Variants in SLC35D4 observed in about 807,000 individuals in gnomAD.
SLC35D4 encodes UDP-N-acetylglucosamine transporter SLC35D4.
At chr18:23,398,512 T>C in the SLC35D4 span, among the ~76,000 whole-genome samples, 2 of 152,182 alleles carry the variant, frequency 1.3e-5, no homozygotes, top group Non-Finnish European at 2.9e-5. Context: ...GCAAGCCTCG[T>C]GGTCTGAGCT....
At chr18:23,306,049 G>A in the SLC35D4 span, among the ~76,000 whole-genome samples, 4 of 151,996 alleles carry the variant, frequency 2.6e-5, no homozygotes, top group Admixed American at 2.6e-4. Context: ...ATCTCCTACC[G>A]ATGTTCAAAA....
chr18:23,436,033 CTTT>C, the SLC35D4 span, among the ~76,000 whole-genome samples: 11 of 96,222 alleles, frequency 1.1e-4, no homozygotes, highest in Non-Finnish European at 1.2e-4. Context: ...AACACTTTCT[CTTT>C]TTTTTTTTTT....
chr18:23,363,461 G>A, the SLC35D4 span, among the ~76,000 whole-genome samples: 5 of 123,810 alleles, frequency 4.0e-5, no homozygotes, highest in Non-Finnish European at 6.4e-5. Flanking sequence ...TGCAAGCTCC[G>A]CCTCCCGGGT....
At chr18:23,303,587 G>C in the SLC35D4 span, among the ~76,000 whole-genome samples, 1 of 152,240 alleles carries the variant, frequency 6.6e-6, no homozygotes, top group African/African-American at 2.4e-5. Context: ...AGGCTTACTT[G>C]TAAGAGAGAA....
chr18:23,256,638 G>A, the SLC35D4 span, among the ~76,000 whole-genome samples: 14 of 151,826 alleles, frequency 9.2e-5, no homozygotes, highest in South Asian at 8.3e-4. Context: ...CCACCGCCAC[G>A]CCCGGCTCAT....
chr18:23,262,330 A>G, the SLC35D4 span, among the ~76,000 whole-genome samples: 1 of 152,316 alleles, frequency 6.6e-6, no homozygotes, highest in Non-Finnish European at 1.5e-5. Flanking sequence ...GGTTAAGGAC[A>G]TTGCTCAGAT....
chr18:23,260,540 C>T, the SLC35D4 span: 1 of 152,698 alleles, frequency 6.5e-6, no homozygotes, highest in African/African-American at 2.4e-5. Context: ...CCTTGCCCTC[C>T]CCAGCCCTGG....
At chr18:23,292,695 CTGGG>C in the SLC35D4 span, among the ~76,000 whole-genome samples, 1 of 152,178 alleles carries the variant, frequency 6.6e-6, no homozygotes, top group Non-Finnish European at 1.5e-5. Flanking sequence ...CGAGTCCCAG[CTGGG>C]TGGGCCTGGA....
chr18:23,383,774 T>C, the SLC35D4 span, among the ~76,000 whole-genome samples: 3 of 151,900 alleles, frequency 2.0e-5, no homozygotes, highest in Non-Finnish European at 2.9e-5. Flanking sequence ...CTTGGTGCAA[T>C]GACAACACCA....
chr18:23,270,259 T>A, the SLC35D4 span, among the ~76,000 whole-genome samples: 1 of 152,310 alleles, frequency 6.6e-6, no homozygotes, highest in South Asian at 2.1e-4. Context: ...GCCCCAAGCC[T>A]TGGTAGCTTA....
the SLC35D4 span, among the ~76,000 whole-genome samples, chr18:23,377,437 G>A: frequency 6.6e-6 from 1 of 152,024 alleles, no homozygotes; most frequent in Admixed American, 6.6e-5. Flanking sequence ...GGTTGGTTCT[G>A]GTGTTTTCTC....
the SLC35D4 span, among the ~76,000 whole-genome samples, chr18:23,415,808 C>T: frequency 1.3e-5 from 2 of 152,196 alleles, no homozygotes; most frequent in Admixed American, 6.5e-5. Flanking sequence ...GACTAGGTGG[C>T]AACAACCAGT....
the SLC35D4 span, among the ~76,000 whole-genome samples, chr18:23,256,736 C>T: frequency 3.3e-5 from 5 of 152,204 alleles, no homozygotes; most frequent in African/African-American, 9.7e-5. Context: ...CCACCCACCT[C>T]GGCCTCCCAA....
chr18:23,358,244 G>T, the SLC35D4 span, among the ~76,000 whole-genome samples: 1 of 152,160 alleles, frequency 6.6e-6, no homozygotes, highest in African/African-American at 2.4e-5. Flanking sequence ...ATGAGGAACG[G>T]CGGAGAGGGA....
chr18:23,385,965 A>T, the SLC35D4 span, among the ~76,000 whole-genome samples: 43 of 151,862 alleles, frequency 2.8e-4, no homozygotes, highest in African/African-American at 1.0e-3. Context: ...TCCCGTCTCT[A>T]CTAAAAATAC....
At chr18:23,312,570 G>A in the SLC35D4 span, among the ~76,000 whole-genome samples, 1 of 152,156 alleles carries the variant, frequency 6.6e-6, no homozygotes, top group Non-Finnish European at 1.5e-5. Context: ...TTTGCACCGT[G>A]GGACAACTGT....
At chr18:23,358,169 T>C in the SLC35D4 span, among the ~76,000 whole-genome samples, 1 of 152,192 alleles carries the variant, frequency 6.6e-6, no homozygotes, top group African/African-American at 2.4e-5. Context: ...GGCAGCTGTG[T>C]GCTCTTGGCC....
the SLC35D4 span, among the ~76,000 whole-genome samples, chr18:23,382,593 T>C: frequency 1.3e-5 from 2 of 152,134 alleles, no homozygotes; most frequent in South Asian, 2.1e-4. Flanking sequence ...TGACACATCA[T>C]TGATTGTAAG....
chr18:23,301,876 A>G, the SLC35D4 span, among the ~76,000 whole-genome samples: 2 of 152,254 alleles, frequency 1.3e-5, no homozygotes, highest in Non-Finnish European at 2.9e-5. Context: ...TTAAAAATGA[A>G]CAATTAAATA....
Sources: gnomAD v4.1 joint callset for allele counts (sites outside exome capture counted in the v4.1 genomes callset) on GRCh38, gnomAD v4.1.1 for gene constraint, MANE v1.5 for transcripts, NCBI Gene and HGNC (gene_info 2026-07-23, HGNC 2026-07-21) for gene names.